The following DENND1A variants were observed in gnomAD, a reference collection of about 807,000 sequenced individuals.
DENND1A encodes the protein DENN domain containing 1A, also known as DENN domain-containing protein 1A.
In DENND1A, 51 loss-of-function variants were observed where a neutral mutation model predicts 113.7. The ratio of observed to expected loss-of-function variants is 0.45; its 90% CI spans 0.36 to 0.57. DENND1A has a LOEUF of 0.57. DENND1A is among the 20% of genes least tolerant of loss of function. DENND1A has a pLI of 0.00. For synonymous variants in DENND1A, 565 were observed against 570.8 expected, an observed-to-expected ratio of 0.99 and a Z score of 0.14; for missense variants, 1,258 against 1,395.9, an observed-to-expected ratio of 0.90 and a Z score of 1.57.
intron 5 of DENND1A, among the ~76,000 whole-genome samples, chr9:123,708,813 G>A (rs896447597): frequency 1.3e-5 from 2 of 152,124 alleles, no homozygotes; most frequent in African/African-American, 4.8e-5. Flanking sequence ...AGCATTCTCA[G>A]TACCTAAGAC....
At chr9:123,414,611 T>C in intron 19 of DENND1A, 1 of 1,550,354 alleles carries the variant, frequency 6.5e-7, no homozygotes, top group Non-Finnish European at 8.7e-7. Flanking sequence ...CAAAGGCTGG[T>C]GAGTCTTGCA....
chr9:123,680,376 G>A lies in DENND1A; in HGVS notation c.303-3587C>T, dbSNP rs114180246. Reference sequence around the variant, plus strand: ...CCTCCACCCACTGCCTTCCCGATCCGGGGTCCCACCGGCCCTTGTAAGGAG... The same window carrying A: ...CCTCCACCCACTGCCTTCCCGATCCAGGGTCCCACCGGCCCTTGTAAGGAG... On this transcript the variant is annotated intron_variant, in intron 5 of 23. Coordinates refer to ENST00000394215, the MANE Select transcript of DENND1A (RefSeq NM_001352964.2). Among the ~76,000 whole-genome samples, 223 of 152,294 alleles carry A rather than the reference G, an allele frequency of 1.5e-3. 1 individual carries two copies. The highest frequency in any genetic ancestry group is 5.0e-3 in the African/African-American group (207 of 41,570).
At chr9:123,775,132 C>T (rs1240723291) in intron 3 of DENND1A, among the ~76,000 whole-genome samples, 1 of 152,126 alleles carries the variant, frequency 6.6e-6, no homozygotes, top group Admixed American at 6.6e-5. Flanking sequence ...TTAAATCTTA[C>T]ACAAAGTGGT....
At chr9:123,397,955 T>C (rs1183234839) in intron 21 of DENND1A, among the ~76,000 whole-genome samples, 3 of 152,188 alleles carry the variant, frequency 2.0e-5, no homozygotes, top group Non-Finnish European at 4.4e-5. Flanking sequence ...GACCCTCGTG[T>C]GACTGGAGAG....
chr9:123,544,417 T>C (rs1292861696), intron 13 of DENND1A, among the ~76,000 whole-genome samples: 1 of 152,222 alleles, frequency 6.6e-6, no homozygotes, highest in Non-Finnish European at 1.5e-5. Flanking sequence ...GAAACACTTG[T>C]ATAGATTAGA....
chr9:123,712,806 T>C (rs1467399080), intron 5 of DENND1A, among the ~76,000 whole-genome samples: 1 of 152,212 alleles, frequency 6.6e-6, no homozygotes, highest in Non-Finnish European at 1.5e-5. Context: ...GAGCTGGCAT[T>C]AGAAATCAAG....
intron 13 of DENND1A, among the ~76,000 whole-genome samples, chr9:123,514,846 G>A (rs1318423329): frequency 6.6e-6 from 1 of 152,180 alleles, no homozygotes; most frequent in African/African-American, 2.4e-5. Context: ...AGTATACCTG[G>A]TGCCTAGATC....
At chr9:123,549,926 A>G (rs2056938452) in intron 13 of DENND1A, among the ~76,000 whole-genome samples, 2 of 152,202 alleles carry the variant, frequency 1.3e-5, no homozygotes, top group Admixed American at 1.3e-4. Flanking sequence ...CACTACACCA[A>G]AAACAAATCC....
chr9:123,440,243 G>A, intron 19 of DENND1A, 117 bp downstream of exon 19: 1 of 1,234,712 alleles, frequency 8.1e-7, no homozygotes, highest in Non-Finnish European at 1.1e-6. Context: ...AACCTCCATG[G>A]AGCTGCACTG....
intron 8 of DENND1A, among the ~76,000 whole-genome samples, chr9:123,656,279 G>C (rs1010706146): frequency 6.6e-6 from 1 of 152,128 alleles, no homozygotes; most frequent in Non-Finnish European, 1.5e-5. Context: ...GGGGAGCTAG[G>C]GACAGGGCAG....
intron 8 of DENND1A, among the ~76,000 whole-genome samples, chr9:123,662,669 A>G (rs2063305052): frequency 6.6e-6 from 1 of 152,204 alleles, no homozygotes. Context: ...AAAATGAGGG[A>G]GTGAAATCAA....
chr9:123,395,591 G>T (rs1380552482), intron 21 of DENND1A, among the ~76,000 whole-genome samples: 1 of 152,122 alleles, frequency 6.6e-6, no homozygotes, highest in African/African-American at 2.4e-5. Context: ...TGGCTGCTAA[G>T]GGAGTGGGCC....
chr9:123,814,493 C>CA (rs1404084531), intron 2 of DENND1A, among the ~76,000 whole-genome samples: 5 of 151,784 alleles, frequency 3.3e-5, no homozygotes, highest in Non-Finnish European at 7.4e-5. Context: ...GTCAAGTAAA[C>CA]AAAAAAGGTA....
chr9:123,505,993 T>G (rs2052898298), intron 13 of DENND1A, among the ~76,000 whole-genome samples: 1 of 152,016 alleles, frequency 6.6e-6, no homozygotes, highest in Non-Finnish European at 1.5e-5. Flanking sequence ...GCCCCCTTCA[T>G]GCGCCTGAGC....
At chr9:123,768,423 AC>A (rs1829181058) in intron 4 of DENND1A, among the ~76,000 whole-genome samples, 1 of 152,186 alleles carries the variant, frequency 6.6e-6, no homozygotes, top group Non-Finnish European at 1.5e-5. Context: ...ACAGCATACT[AC>A]CCACATATAC....
chr9:123,647,723 T>A (rs1484196061), intron 9 of DENND1A, among the ~76,000 whole-genome samples: 1 of 152,210 alleles, frequency 6.6e-6, no homozygotes, highest in Admixed American at 6.5e-5. Context: ...GACATAATCA[T>A]ATTGATAGTG....
At chr9:123,451,558 T>C (rs2047718582) in intron 17 of DENND1A, among the ~76,000 whole-genome samples, 1 of 152,136 alleles carries the variant, frequency 6.6e-6, no homozygotes, top group Non-Finnish European at 1.5e-5. Flanking sequence ...AATTAAGTGG[T>C]GTATGCCACC....
At chr9:123,776,501 C>G (rs1023549639) in intron 3 of DENND1A, among the ~76,000 whole-genome samples, 1 of 152,012 alleles carries the variant, frequency 6.6e-6, no homozygotes, top group African/African-American at 2.4e-5. Flanking sequence ...TTTGTCTTAC[C>G]TAATGATATG....
intron 5 of DENND1A, among the ~76,000 whole-genome samples, chr9:123,727,835 G>A (rs529476029): frequency 1.1e-4 from 16 of 152,124 alleles, no homozygotes; most frequent in African/African-American, 2.9e-4. Context: ...GGCCAGGCGT[G>A]GTGGCTCATG....
Sources: allele counts gnomAD v4.1 joint callset (sites outside exome capture counted in the v4.1 genomes callset), GRCh38; gene constraint gnomAD v4.1.1; transcripts MANE v1.5; gene names NCBI Gene and HGNC (gene_info 2026-07-23, HGNC 2026-07-21).